The following CCL17 variants were observed in gnomAD, a reference collection of about 807,000 sequenced individuals.
CCL17 encodes the protein C-C motif chemokine 17.
Under a neutral mutation model 7.4 loss-of-function variants are expected in CCL17, and 8 were observed. That is an observed-to-expected ratio of 1.09 (90% CI 0.64 to 1.96). The LOEUF (loss-of-function observed/expected upper bound fraction) is 1.96. Ranked by LOEUF, CCL17 falls within the 30% of genes most tolerant of loss-of-function variation. The pLI is 0.00. For missense variants in CCL17, 102 were observed against 113.0 expected, an observed-to-expected ratio of 0.90 and a Z score of 0.44; for synonymous variants, 40 against 46.1, an observed-to-expected ratio of 0.87 and a Z score of 0.54.
chr16:57,400,064 A>G (rs905572444), upstream of CCL17, among the ~76,000 whole-genome samples: 1 of 152,244 alleles, frequency 6.6e-6, no homozygotes, highest in African/African-American at 2.4e-5. Flanking sequence ...ACAATGTATA[A>G]GAAAACAGGA....
chr16:57,405,291 C>T (rs1902677860), intron 1 of CCL17, among the ~76,000 whole-genome samples: 1 of 152,018 alleles, frequency 6.6e-6, no homozygotes, highest in African/African-American at 2.4e-5. Context: ...TTTTGAGACT[C>T]TCTGGGTGTG....
chr16:57,397,055 T>A, the CCL17 span, among the ~76,000 whole-genome samples: 2 of 152,230 alleles, frequency 1.3e-5, no homozygotes, highest in Non-Finnish European at 2.9e-5. Flanking sequence ...TCTATCCAAT[T>A]TGTAAAGGTT....
upstream of CCL17, among the ~76,000 whole-genome samples, chr16:57,403,472 TATATATTATATA>T (rs1476966520): frequency 0.047 from 118 of 2,500 alleles, 11 homozygotes; most frequent in Non-Finnish European, 0.1. Context: ...TATTATATTA[TATATATTATATA>T]ATAATATATA....
chr16:57,406,682 C>T (rs1338793634), intron 1 of CCL17, among the ~76,000 whole-genome samples: 1 of 152,202 alleles, frequency 6.6e-6, no homozygotes, highest in East Asian at 1.9e-4. Flanking sequence ...GATGACAAGG[C>T]GATTCCCTGA....
chr16:57,415,410 G>A lies in CCL17; in HGVS notation c.188+212G>A, dbSNP rs1902853893. ...GATTTGTGGTGAAATTGAGGCCCCG[G>A]GAGCAATGAACACCCCCAGGTCACA... is the stretch of plus-strand genomic sequence containing the variant. On this transcript the variant is annotated intron_variant, in intron 3 of 3. Coordinates refer to ENST00000219244, the MANE Select transcript of CCL17 (RefSeq NM_002987.3). This position sits in a 1 kb window ranked among gnomAD's most constrained non-coding sequence, Gnocchi z 4.5. Among the ~76,000 whole-genome samples the A allele has an allele frequency of 6.6e-6, 1 of 152,212 alleles. No homozygotes were observed. The highest frequency in any genetic ancestry group is 1.5e-5 in the Non-Finnish European group (1 of 68,032).
rs549698381 is a variant in CCL17, at chr16:57,409,427, G to A, written c.-59-4447G>A. 5.9e-5 allele frequency among the ~76,000 whole-genome samples: 9 copies of A among 152,304 alleles called. No homozygotes were observed. In the East Asian group the frequency reaches 1.7e-3, roughly 29 times the overall value. Reference sequence around the variant, plus strand: ...GAAAAAGTTGAGCCTGGAGAAGTAGGCAGAAATGTGGGCTTCGTCCTGAGA... The same window carrying A: ...GAAAAAGTTGAGCCTGGAGAAGTAGACAGAAATGTGGGCTTCGTCCTGAGA... On this transcript the variant is annotated intron_variant, in intron 1 of 3. Transcript: ENST00000219244.
chr16:57,398,240 A>T, the CCL17 span, among the ~76,000 whole-genome samples: 3 of 152,280 alleles, frequency 2.0e-5, no homozygotes, highest in African/African-American at 7.2e-5. Flanking sequence ...TAACATGGCC[A>T]CCACCGCAAC....
upstream of CCL17, among the ~76,000 whole-genome samples, chr16:57,399,940 A>G (rs117527975): frequency 2.6e-4 from 40 of 152,312 alleles, no homozygotes; most frequent in East Asian, 7.7e-3. Flanking sequence ...GACACCAAGT[A>G]TTGCCAAGGA....
upstream of CCL17, among the ~76,000 whole-genome samples, chr16:57,403,579 A>G (rs1318119548): frequency 9.9e-5 from 6 of 60,896 alleles, no homozygotes; most frequent in African/African-American, 3.8e-4. Context: ...TATTTATAAT[A>G]TATATAATAT....
intron 1 of CCL17, among the ~76,000 whole-genome samples, chr16:57,410,865 A>G (rs969424867): frequency 6.6e-6 from 1 of 152,110 alleles, no homozygotes; most frequent in Non-Finnish European, 1.5e-5. Context: ...CTGAAGGTTC[A>G]CTGCATGCCA....
At position 57,415,337 on chromosome 16, in the gene CCL17, CTG is replaced by C. The variant is rs1902853009; in HGVS notation, c.188+142_188+143del. ...CCCCAACCCCTGCAGGCTCCCCACA[CTG>C]TGGGACCCAAAAGGGCCGCAGGCCA... is the stretch of plus-strand genomic sequence containing the variant. On this transcript the variant is annotated intron_variant, in intron 3 of 3. Transcript: ENST00000219244. This position sits in a 1 kb window ranked among gnomAD's most constrained non-coding sequence, Gnocchi z 4.5. 6 of 655,232 alleles carry C rather than the reference CTG, an allele frequency of 9.2e-6. No homozygotes were observed. Among genetic ancestry groups the C allele is most frequent in the East Asian group, 2.7e-5 (1 of 37,650 alleles). The allele number at this position is 655,232 out of a possible 1,614,324, so 40.6% of individuals were successfully genotyped here. A position where few individuals can be genotyped will look rare whatever the true frequency, so the allele number is the denominator to read the frequency against.
chr16:57,398,036 A>C, the CCL17 span, among the ~76,000 whole-genome samples: 2 of 152,198 alleles, frequency 1.3e-5, no homozygotes, highest in Non-Finnish European at 2.9e-5. Flanking sequence ...ATCCTCTGGG[A>C]GAAAAGTAGC....
Position 57,415,047 on chromosome 16 carries a change from C to T in CCL17, c.71-34C>T. The T allele has an allele frequency of 6.9e-7, 1 of 1,446,560 alleles. No individual in the cohort carries two copies. The highest frequency in any genetic ancestry group is 9.7e-7 in the Non-Finnish European group (1 of 1,027,740). 89.6% of individuals were successfully genotyped at this position (1,446,560 alleles called of 1,614,324 possible). A position where few individuals can be genotyped will look rare whatever the true frequency, so the allele number is the denominator to read the frequency against. On this transcript the variant is annotated intron_variant, in intron 2 of 3. Transcript: ENST00000219244. The surrounding 1 kb of genome is among the most constrained non-coding windows in gnomAD (Gnocchi z 4.5). ...TCCCCGCAACACACACGCAGACACT[C>T]ACAGACACCCCTGCCCCGCTCCTCT...
intron 1 of CCL17, among the ~76,000 whole-genome samples, chr16:57,407,980 TC>T (rs1405364718): frequency 6.6e-6 from 1 of 150,606 alleles, no homozygotes; most frequent in East Asian, 2.0e-4. Context: ...CATCCATCTA[TC>T]CATCCATTCT....
At chr16:57,413,757 C>A in intron 1 of CCL17, 117 bp from the exon 2 acceptor site, 1 of 516,120 alleles carries the variant, frequency 1.9e-6, no homozygotes. Context: ...TCTCCTGAAT[C>A]ATCTCAAATT....
chr16:57,413,147 T>C (rs1902812017), intron 1 of CCL17, among the ~76,000 whole-genome samples: 1 of 152,274 alleles, frequency 6.6e-6, no homozygotes, highest in East Asian at 1.9e-4. Context: ...TGTATCTTAG[T>C]GTAAGGCATC....
chr16:57,402,447 G>A (rs1378866817), upstream of CCL17, among the ~76,000 whole-genome samples: 1 of 152,116 alleles, frequency 6.6e-6, no homozygotes, highest in Non-Finnish European at 1.5e-5. Flanking sequence ...CCAGAGGGTC[G>A]AGTTTGGCAG....
At chr16:57,399,568 A>G in the CCL17 span, among the ~76,000 whole-genome samples, 1 of 152,076 alleles carries the variant, frequency 6.6e-6, no homozygotes, top group African/African-American at 2.4e-5. Flanking sequence ...CTTCTGCTTC[A>G]GCCTCCAAAG....
the CCL17 span, among the ~76,000 whole-genome samples, chr16:57,398,352 C>A: frequency 6.6e-6 from 1 of 152,160 alleles, no homozygotes; most frequent in African/African-American, 2.4e-5. Context: ...GTAAGGACTC[C>A]AAGAGCTATT....
Sources: gnomAD v4.1 joint callset for allele counts (sites outside exome capture counted in the v4.1 genomes callset) on GRCh38, gnomAD v4.1.1 for gene constraint, Gnocchi (gnomAD v3.1) non-coding constraint, MANE v1.5 for transcripts, NCBI Gene and HGNC (gene_info 2026-07-23, HGNC 2026-07-21) for gene names.